ERBB4: variants seen among roughly 807,000 people sequenced by gnomAD.
ERBB4 encodes the protein erb-b2 receptor tyrosine kinase 4.
ERBB4 carries 42 observed loss-of-function variants against 158.0 expected under a neutral mutation model. The ratio of observed to expected loss-of-function variants is 0.27; its 90% confidence interval spans 0.21 to 0.34. The LOEUF is 0.34. Ranked by LOEUF, ERBB4 falls within the 10% of genes least tolerant of loss-of-function variation. The probability of loss-of-function intolerance (pLI) is 1.00; values close to 1 mark genes in which losing one functional copy is unlikely to be tolerated. For missense variants in ERBB4, 1,333 were observed against 1,624.1 expected, an observed-to-expected ratio of 0.82 and a Z score of 3.08; for synonymous variants, 583 against 558.7, an observed-to-expected ratio of 1.04 and a Z score of -0.61.
chr2:211,810,529 C>T (rs1344507946), intron 3 of ERBB4, among the ~76,000 whole-genome samples: 1 of 151,294 alleles, frequency 6.6e-6, no homozygotes, highest in Non-Finnish European at 1.5e-5. Flanking sequence ...CGTTTTTTTG[C>T]TTTCCATTTG....
At chr2:211,718,960 G>T (rs780305606) in intron 7 of ERBB4, among the ~76,000 whole-genome samples, 21 of 152,340 alleles carry the variant, frequency 1.4e-4, no homozygotes, top group Non-Finnish European at 2.5e-4. Flanking sequence ...TGAGAAACCA[G>T]GGAATAGGTC....
At chr2:211,485,931 T>G (rs2125558771) in intron 20 of ERBB4, among the ~76,000 whole-genome samples, 1 of 152,256 alleles carries the variant, frequency 6.6e-6, no homozygotes, top group Non-Finnish European at 1.5e-5. Flanking sequence ...TACGGACCTT[T>G]GCATTTATAA....
intron 1 of ERBB4, among the ~76,000 whole-genome samples, chr2:212,396,061 AC>A (rs2091016979): frequency 1.3e-5 from 2 of 152,144 alleles, no homozygotes. Flanking sequence ...TGTTTTTAAT[AC>A]TTTTAAGATA....
In ERBB4 at chr2:212,494,043, G is replaced by A. The variant is rs555284715; in HGVS notation, c.82+44406C>T. Among the ~76,000 whole-genome samples, 487 of 151,746 alleles carry A rather than the reference G, an allele frequency of 3.2e-3. 3 individuals are homozygous for A. The highest frequency in any genetic ancestry group is 6.8e-3 in the Middle Eastern group (2 of 292). ...AAATTTTTATTCTTTGCATCACAAAGAATAGTGGCCAGTATAACTATTATA... is the reference window on the plus strand; with the variant it reads ...AAATTTTTATTCTTTGCATCACAAAAAATAGTGGCCAGTATAACTATTATA... On this transcript the variant is annotated intron_variant, in intron 1 of 27. Transcript: ENST00000342788.
rs79569688 is a variant in ERBB4, at chr2:211,489,943, G to A, written c.2488-58843C>T. Among the ~76,000 whole-genome samples, 388 of 152,076 alleles carry A rather than the reference G, an allele frequency of 2.6e-3. 3 individuals carry two copies. Among genetic ancestry groups the A allele is most frequent in the African/African-American group, 9.0e-3 (375 of 41,522 alleles). ...GTTACTGAGAAAATAGAAGCTATCT[G>A]GCTACTATAGCTTGAATGTGTCTCC... is the stretch of plus-strand genomic sequence containing the variant. On this transcript the variant is annotated intron_variant, in intron 20 of 27. Transcript: ENST00000342788.
At chr2:211,422,406 T>G (rs1255101694) in intron 23 of ERBB4, among the ~76,000 whole-genome samples, 1 of 151,258 alleles carries the variant, frequency 6.6e-6, no homozygotes, top group African/African-American at 2.4e-5. Flanking sequence ...GGAGAGAAGA[T>G]TTGGTTACAA....
At chr2:212,156,575 C>G (rs1314925133) in intron 1 of ERBB4, among the ~76,000 whole-genome samples, 1 of 152,094 alleles carries the variant, frequency 6.6e-6, no homozygotes, top group East Asian at 1.9e-4. Context: ...CAACATAAGA[C>G]AAGGAAAAAT....
chr2:212,447,815 A>C (rs527832126), intron 1 of ERBB4, among the ~76,000 whole-genome samples: 1 of 132,056 alleles, frequency 7.6e-6, no homozygotes, highest in Admixed American at 7.3e-5. Flanking sequence ...TGTATTCAAC[A>C]TGGGCAACTA....
intron 1 of ERBB4, among the ~76,000 whole-genome samples, chr2:212,501,109 C>T (rs984510853): frequency 6.6e-6 from 1 of 152,114 alleles, no homozygotes; most frequent in African/African-American, 2.4e-5. Context: ...TTGTACACAG[C>T]AAATAACACC....
chr2:211,577,330 T>G (rs1332833843), intron 19 of ERBB4, among the ~76,000 whole-genome samples: 6 of 152,160 alleles, frequency 3.9e-5, no homozygotes, highest in Middle Eastern at 6.3e-3. Context: ...GACATTTGGA[T>G]TTTATTGTAA....
chr2:212,372,428 C>T (rs1290722365), intron 1 of ERBB4, among the ~76,000 whole-genome samples: 1 of 152,088 alleles, frequency 6.6e-6, no homozygotes, highest in Non-Finnish European at 1.5e-5. Flanking sequence ...ATCCAAGCTT[C>T]CTTTGCCTAG....
chr2:211,434,626 C>T (rs889028946), intron 20 of ERBB4, among the ~76,000 whole-genome samples: 2 of 152,286 alleles, frequency 1.3e-5, no homozygotes, highest in East Asian at 3.9e-4. Flanking sequence ...ATTTCAAAAA[C>T]TCTGAAAGTT....
intron 1 of ERBB4, among the ~76,000 whole-genome samples, chr2:212,369,476 A>G (rs1035948141): frequency 4.0e-5 from 6 of 151,676 alleles, no homozygotes; most frequent in Non-Finnish European, 8.8e-5. Context: ...TCCAAAATTA[A>G]TAATTCCCGT....
At chr2:212,518,564 C>CA (rs144518621) in intron 1 of ERBB4, among the ~76,000 whole-genome samples, 3,170 of 152,000 alleles carry the variant, frequency 0.021, 108 homozygotes, top group African/African-American at 0.072. Context: ...CACTAAGAAT[C>CA]AAATATTTGT....
intron 2 of ERBB4, among the ~76,000 whole-genome samples, chr2:212,073,724 GACAA>G (rs1251621617): frequency 6.6e-6 from 1 of 151,914 alleles, no homozygotes; most frequent in Non-Finnish European, 1.5e-5. Flanking sequence ...TTCAGTGAGA[GACAA>G]ACAATATATG....
chr2:212,246,843 T>C (rs2084328214), intron 1 of ERBB4, among the ~76,000 whole-genome samples: 1 of 152,154 alleles, frequency 6.6e-6, no homozygotes, highest in African/African-American at 2.4e-5. Flanking sequence ...ACTAAATTTC[T>C]TCAGGTGCAC....
At chr2:211,792,379 GAA>G (rs993558627) in intron 3 of ERBB4, among the ~76,000 whole-genome samples, 3 of 151,306 alleles carry the variant, frequency 2.0e-5, no homozygotes, top group African/African-American at 7.3e-5. Flanking sequence ...TTGAATTTAA[GAA>G]AATATATATA....
intron 20 of ERBB4, among the ~76,000 whole-genome samples, chr2:211,462,832 T>C (rs1424718441): frequency 6.6e-6 from 1 of 152,204 alleles, no homozygotes; most frequent in Admixed American, 6.6e-5. Flanking sequence ...TCTGAAATTA[T>C]ACTAGAGTTC....
At chr2:211,391,081 C>T (rs2062789311) in intron 25 of ERBB4, among the ~76,000 whole-genome samples, 1 of 152,102 alleles carries the variant, frequency 6.6e-6, no homozygotes, top group Non-Finnish European at 1.5e-5. Flanking sequence ...ACATGTTAAT[C>T]ACGATGTCAT....
Sources: allele counts gnomAD v4.1 joint callset (sites outside exome capture counted in the v4.1 genomes callset), GRCh38; gene constraint gnomAD v4.1.1; transcripts MANE v1.5; gene names NCBI Gene and HGNC (gene_info 2026-07-23, HGNC 2026-07-21).